The following DGKH variants were observed in gnomAD, a reference collection of about 807,000 sequenced individuals.
The protein encoded by DGKH is diacylglycerol kinase eta.
DGKH carries 90 observed loss-of-function variants against 159.3 expected under a neutral mutation model. The ratio of observed to expected loss-of-function variants is 0.57; its 90% confidence interval spans 0.48 to 0.67. The LOEUF is 0.67. DGKH is among the 30% of genes least tolerant of loss of function. The pLI is 0.00. For missense variants in DGKH, 1,181 were observed against 1,506.1 expected (o/e 0.78, Z 3.57); for synonymous variants, 536 against 553.8 (o/e 0.97, Z 0.45).
intron 5 of DGKH, among the ~76,000 whole-genome samples, chr13:42,157,684 G>T (rs905475585): frequency 6.6e-6 from 1 of 152,092 alleles, no homozygotes; most frequent in Non-Finnish European, 1.5e-5. Context: ...GGAAGGGAAA[G>T]AATTTTTCAA....
chr13:42,040,800 C>G (rs1457373524), intron 1 of DGKH, among the ~76,000 whole-genome samples: 1 of 146,148 alleles, frequency 6.8e-6, no homozygotes, highest in African/African-American at 2.5e-5. Flanking sequence ...GCGAGGGAAG[C>G]GCATCCAGGA....
rs1958527207 is a variant in DGKH, at chr13:42,242,212, T to C, written c.*13024T>C. The C allele has an allele frequency of 6.6e-6, 1 of 152,264 alleles. No individual in the cohort carries two copies. The highest frequency in any genetic ancestry group is 1.5e-5 in the Non-Finnish European group (1 of 68,038). The allele number at this position is 152,264 out of a possible 1,614,324, so 9.4% of individuals were successfully genotyped here. ...CATTTGCCTCTTGTTTATTATCATG[T>C]TGAAAACACAACAGTATAGTTCCTT... On this transcript the variant is annotated 3_prime_UTR_variant, in exon 30 of 30. Coordinates refer to ENST00000337343, the MANE Select transcript of DGKH (RefSeq NM_178009.5).
intron 29 of DGKH, among the ~76,000 whole-genome samples, chr13:42,250,495 A>G (rs1474038992): frequency 6.6e-6 from 1 of 152,204 alleles, no homozygotes; most frequent in Non-Finnish European, 1.5e-5. Flanking sequence ...TTTTACAAAT[A>G]ATAAACTGAA....
chr13:42,098,603 G>A (rs1463792540), intron 1 of DGKH, among the ~76,000 whole-genome samples: 5 of 152,122 alleles, frequency 3.3e-5, no homozygotes, highest in African/African-American at 1.2e-4. Flanking sequence ...AGATTCTTAA[G>A]TATATGATTC....
At chr13:42,199,093 A>G (rs1215823146) in intron 18 of DGKH, among the ~76,000 whole-genome samples, 3 of 152,206 alleles carry the variant, frequency 2.0e-5, no homozygotes, top group Non-Finnish European at 2.9e-5. Context: ...CAAGGAGAGT[A>G]CCATATTTTA....
At chr13:42,176,352 T>G (rs569597329) in intron 12 of DGKH, among the ~76,000 whole-genome samples, 5 of 152,164 alleles carry the variant, frequency 3.3e-5, no homozygotes, top group Non-Finnish European at 5.9e-5. Flanking sequence ...ATTTTAAAGT[T>G]TATTTTTAGA....
At chr13:42,077,089 G>A (rs1263123136) in intron 1 of DGKH, among the ~76,000 whole-genome samples, 1 of 151,976 alleles carries the variant, frequency 6.6e-6, no homozygotes, top group Non-Finnish European at 1.5e-5. Context: ...TGGCAGTTTG[G>A]TTTAGATATT....
intron 21 of DGKH, 21 bp downstream of exon 21, chr13:42,206,167 G>A (rs1957467939): frequency 4.5e-6 from 6 of 1,346,358 alleles, no homozygotes; most frequent in Admixed American, 2.9e-5. Context: ...GGAGTAAATA[G>A]TTTGTTTCCT....
At chr13:42,247,451 G>A (rs948494735), downstream of DGKH, among the ~76,000 whole-genome samples, 5 of 151,752 alleles carry the variant, frequency 3.3e-5, no homozygotes, top group Admixed American at 6.6e-5. Context: ...GGCTGGTCTC[G>A]AACTCCTGAT....
At position 42,241,382 on chromosome 13, in the gene DGKH, T is replaced by G. The variant is rs1294511194; in HGVS notation, c.*12194T>G. ...GGAGTCTCCTTCCACCCAAAAAAAC[T>G]AACCAAATTATTTTATCATAAAGAG... On this transcript the variant is annotated 3_prime_UTR_variant, in exon 30 of 30. Transcript: ENST00000337343. 1.3e-5 allele frequency: 2 copies of G among 152,204 alleles called. No individual in the cohort carries two copies. Among genetic ancestry groups the G allele is most frequent in the African/African-American group, 4.8e-5 (2 of 41,458 alleles). 9.4% of individuals were successfully genotyped at this position (152,204 alleles called of 1,614,324 possible).
At chr13:42,098,931 TG>T (rs1954598490) in intron 1 of DGKH, among the ~76,000 whole-genome samples, 1 of 152,192 alleles carries the variant, frequency 6.6e-6, no homozygotes, top group African/African-American at 2.4e-5. Context: ...AGAGTTTTCT[TG>T]TTGGAAAAAT....
intron 1 of DGKH, among the ~76,000 whole-genome samples, chr13:42,053,547 ACTATATATGTATATATAT>A (rs1881506617): frequency 1.0e-5 from 1 of 100,296 alleles, no homozygotes; most frequent in African/African-American, 4.1e-5. Flanking sequence ...TATATATATA[ACTATATATGTATATATAT>A]AACTATATAT....
chr13:42,170,873 G>T (rs1956437044), intron 11 of DGKH, among the ~76,000 whole-genome samples: 1 of 151,712 alleles, frequency 6.6e-6, no homozygotes, highest in Non-Finnish European at 1.5e-5. Flanking sequence ...AACCCGGGAG[G>T]CGGAGGTTGC....
At chr13:42,252,341 A>G (rs1211949180) in intron 29 of DGKH, 1 of 152,160 alleles carries the variant, frequency 6.6e-6, no homozygotes, top group Non-Finnish European at 1.5e-5. Context: ...TGTAAGTACT[A>G]CTTTAGCTGC....
chr13:42,069,439 C>T (rs1389898555), intron 1 of DGKH: 17 of 1,552,242 alleles, frequency 1.1e-5, no homozygotes, highest in Non-Finnish European at 1.4e-5. Context: ...CTATTCAAGT[C>T]GATTTAATTT....
chr13:42,243,922 G>A (rs1438995220), downstream of DGKH, among the ~76,000 whole-genome samples: 2 of 152,178 alleles, frequency 1.3e-5, no homozygotes, highest in African/African-American at 4.8e-5. Flanking sequence ...TAGAGGTTAT[G>A]AAAGAAGTTT....
chr13:42,190,258 C>A, intron 15 of DGKH, 145 bp from the exon 16 acceptor site: 1 of 892,146 alleles, frequency 1.1e-6, no homozygotes, highest in Non-Finnish European at 1.6e-6. Flanking sequence ...GGACATCAAC[C>A]CCAAGTTCAT....
intron 29 of DGKH, among the ~76,000 whole-genome samples, chr13:42,223,666 C>T (rs1376192352): frequency 6.6e-6 from 1 of 151,956 alleles, no homozygotes; most frequent in Non-Finnish European, 1.5e-5. Context: ...GAGGCTGAGG[C>T]AGGCGAATTT....
intron 1 of DGKH, among the ~76,000 whole-genome samples, chr13:42,109,340 T>A (rs1954816621): frequency 6.6e-6 from 1 of 152,158 alleles, no homozygotes; most frequent in African/African-American, 2.4e-5. Flanking sequence ...CACAGAAACG[T>A]TAAGTAATTT....
Sources: gnomAD v4.1 joint callset for allele counts (sites outside exome capture counted in the v4.1 genomes callset) on GRCh38, gnomAD v4.1.1 for gene constraint, MANE v1.5 for transcripts, NCBI Gene and HGNC (gene_info 2026-07-23, HGNC 2026-07-21) for gene names.